The following TGM6 variants were observed in gnomAD, a reference collection of about 807,000 sequenced individuals.
The protein encoded by TGM6 is transglutaminase 6, also known as protein-glutamine gamma-glutamyltransferase 6.
Under a neutral mutation model 77.5 loss-of-function variants are expected in TGM6, and 74 were observed. The ratio of observed to expected loss-of-function variants is 0.96; its 90% CI spans 0.79 to 1.16. The LOEUF (loss-of-function observed/expected upper bound fraction) is 1.16. Among genes scored for constraint, TGM6 ranks in the 50% most tolerant of loss-of-function variants. TGM6 has a pLI of 0.00. For missense variants in TGM6, 968 were observed against 940.2 expected, an observed-to-expected ratio of 1.03 and a Z score of -0.39; for synonymous variants, 383 against 378.9, an observed-to-expected ratio of 1.01 and a Z score of -0.12.
intron 9 of TGM6, among the ~76,000 whole-genome samples, chr20:2,405,441 C>T (rs2084743170): frequency 6.6e-6 from 1 of 152,124 alleles, no homozygotes; most frequent in African/African-American, 2.4e-5. Flanking sequence ...TTTTAAAGCT[C>T]CCAGGTGGTC....
intron 10 of TGM6, among the ~76,000 whole-genome samples, chr20:2,422,096 C>T (rs369304770): frequency 6.6e-6 from 1 of 152,138 alleles, no homozygotes; most frequent in Admixed American, 6.5e-5. Flanking sequence ...CACACCAGTG[C>T]ACTCCAGCCT....
At chr20:2,401,124 G>C (rs1022202090) in intron 7 of TGM6, among the ~76,000 whole-genome samples, 4 of 151,738 alleles carry the variant, frequency 2.6e-5, no homozygotes, top group African/African-American at 2.4e-5. Context: ...AGAATCGCTT[G>C]AACCTGGAAG....
At chr20:2,394,884 G>T (rs1450152963) in intron 2 of TGM6, among the ~76,000 whole-genome samples, 1 of 152,128 alleles carries the variant, frequency 6.6e-6, no homozygotes, top group Non-Finnish European at 1.5e-5. Context: ...GCTCTGGAAG[G>T]GTATGAAAAC....
intron 1 of TGM6, among the ~76,000 whole-genome samples, chr20:2,386,057 G>T (rs191278493): frequency 6.6e-6 from 1 of 152,218 alleles, no homozygotes; most frequent in East Asian, 1.9e-4. Flanking sequence ...TTTGACAAGG[G>T]GCCTGGAAAC....
At chr20:2,417,199 T>C in intron 9 of TGM6, 33 bp from the exon 10 acceptor site, 2 of 1,555,164 alleles carry the variant, frequency 1.3e-6, no homozygotes, top group Non-Finnish European at 1.7e-6. Flanking sequence ...AGCAAGGGGG[T>C]GCCTGCCGCT....
At chr20:2,384,069 T>C (rs1365789943) in intron 1 of TGM6, among the ~76,000 whole-genome samples, 1 of 140,926 alleles carries the variant, frequency 7.1e-6, no homozygotes. Context: ...ATTGTGCCAC[T>C]GCACTCCAGC....
chr20:2,425,281 A>T (rs1016479450), intron 10 of TGM6, among the ~76,000 whole-genome samples: 2 of 151,988 alleles, frequency 1.3e-5, no homozygotes, highest in Non-Finnish European at 2.9e-5. Flanking sequence ...CAAGAGCTGG[A>T]AGTTTGCAGT....
In TGM6 at chr20:2,403,511, T is replaced by C. The variant is rs1189923723; in HGVS notation, c.1093+11T>C. 1 of 1,614,108 alleles carries C rather than the reference T, an allele frequency of 6.2e-7. No individual in the cohort carries two copies. Among genetic ancestry groups the C allele is most frequent in the Non-Finnish European group, 8.5e-7 (1 of 1,180,012 alleles). ...AGGAGGAGAGTGAAGGTACGCTCAA[T>C]TGGGTGGGGTAAGTTCCAGACCCCT... On this transcript the variant is annotated intron_variant, in intron 8 of 12. Transcript: ENST00000202625.
At chr20:2,385,277 C>CAG (rs2084586595) in intron 1 of TGM6, among the ~76,000 whole-genome samples, 1 of 151,924 alleles carries the variant, frequency 6.6e-6, no homozygotes, top group South Asian at 2.1e-4. Flanking sequence ...TGGGCTGTGG[C>CAG]AGGGAAGAGG....
chr20:2,390,495 T>A lies in TGM6; in HGVS notation c.8-3957T>A, dbSNP rs190206878. Among the ~76,000 whole-genome samples, 11 of 152,332 alleles carry A rather than the reference T, an allele frequency of 7.2e-5. No individual in the cohort carries two copies. In the East Asian group the frequency reaches 2.1e-3, roughly 29 times the overall value. On this transcript the variant is annotated intron_variant, in intron 1 of 12. Transcript: ENST00000202625. ...TTTGGCAAGTTATTTCACTTCTCTT[T>A]CCCTCAGTTTCCTCATTCATTCATT...
rs774204721 is a variant in TGM6 at position 2,395,246 on chromosome 20, G to T, written c.234G>T (p.Glu78Asp). Reference protein sequence around the residue: ...LHTKAVFQTSELERGEGWTAA... With the variant: ...LHTKAVFQTSDLERGEGWTAA... ...CCAAAGCTGTGTTCCAGACATCGGA[G>T]CTGGAGCGGGGTGAGGGCTGGACAG... Residue 78 changes from glutamate to aspartate, a missense_variant, in exon 3 of 13, where the codon GAG becomes GAT. Physicochemically the swap from Glu to Asp is conservative, Grantham distance 45. Coordinates refer to ENST00000202625, the MANE Select transcript of TGM6 (RefSeq NM_198994.3). 2 of 1,613,968 alleles carry T rather than the reference G, an allele frequency of 1.2e-6. No homozygotes were observed. The highest frequency in any genetic ancestry group is 2.7e-5 in the African/African-American group (2 of 74,948).
At chr20:2,398,729 G>C (rs1350441787) in intron 5 of TGM6, among the ~76,000 whole-genome samples, 1 of 152,100 alleles carries the variant, frequency 6.6e-6, no homozygotes, top group Non-Finnish European at 1.5e-5. Flanking sequence ...CTCTTCTTGA[G>C]TGGGACATAG....
chr20:2,392,203 G>T (rs2084633325), intron 1 of TGM6, among the ~76,000 whole-genome samples: 1 of 152,120 alleles, frequency 6.6e-6, no homozygotes, highest in South Asian at 2.1e-4. Flanking sequence ...GGACTGTTGG[G>T]TCTGTAGCAT....
intron 10 of TGM6, among the ~76,000 whole-genome samples, chr20:2,419,059 T>C (rs2084838727): frequency 6.6e-6 from 1 of 152,244 alleles, no homozygotes; most frequent in Non-Finnish European, 1.5e-5. Flanking sequence ...ACTTCGTGGA[T>C]GATTTATTAA....
intron 5 of TGM6, among the ~76,000 whole-genome samples, chr20:2,399,156 A>AAG (rs1555799793): frequency 0.068 from 10,006 of 146,464 alleles, 526 homozygotes; most frequent in Non-Finnish European, 0.088. Flanking sequence ...AAAAAAAAAA[A>AAG]AGAATAATGA....
rs144548130 is a variant in TGM6 at position 2,407,298 on chromosome 20, C to T, written c.1336+3475C>T. Among the ~76,000 whole-genome samples, 544 of 152,308 alleles carry T rather than the reference C, an allele frequency of 3.6e-3. 2 individuals are homozygous for T. Among genetic ancestry groups the T allele is most frequent in the Middle Eastern group, 0.014 (4 of 294 alleles). Reference sequence around the variant, plus strand: ...AGCAAAATGGTAAGCAATGTCCAAGCATTATTTCATTTAATATTTATTTTA... The same window carrying T: ...AGCAAAATGGTAAGCAATGTCCAAGTATTATTTCATTTAATATTTATTTTA... On this transcript the variant is annotated intron_variant, in intron 9 of 12. Coordinates refer to ENST00000202625, the MANE Select transcript of TGM6 (RefSeq NM_198994.3).
chr20:2,399,663 C>T lies in TGM6; in HGVS notation c.775C>T (p.Gln259Ter), dbSNP rs2084692177. 3 of 1,613,792 alleles carry T rather than the reference C, an allele frequency of 1.9e-6. No individual in the cohort carries two copies. The highest frequency in any genetic ancestry group is 2.7e-5 in the African/African-American group (2 of 74,930). ...CTGGCGCGGCAGCGTGGCCATTCTG[C>T]AGAAGTGGCTCAAGGGCAGGTACAA... Reference protein sequence around the residue: ...LHWRGSVAILQKWLKGRYKPV... With the variant: ...LHWRGSVAIL Residue 259 changes from glutamine (Q) to a stop codon, truncating the protein, a stop_gained, in exon 6 of 13, where the codon CAG (glutamine) becomes TAG (stop). Coordinates refer to ENST00000202625, the MANE Select transcript of TGM6 (RefSeq NM_198994.3). LOFTEE classifies it high-confidence loss of function.
Position 2,417,397 on chromosome 20 carries a change from TG to T in TGM6, c.1503del (p.Leu502Ter). On this transcript the variant is annotated frameshift_variant, in exon 10 of 13. Coordinates refer to ENST00000202625, the MANE Select transcript of TGM6 (RefSeq NM_198994.3). LOFTEE classifies it high-confidence loss of function. ...CCCAGCATCGCTGGCAAGTTCAAGG[TG>T]CTAGAGCCTCCCATGCTGGGCCACG... ...TKPSIAGKFK[V>X]LEPPMLGHDL... The T allele has an allele frequency of 6.2e-7, 1 of 1,613,628 alleles. No homozygotes were observed. The highest frequency in any genetic ancestry group is 8.5e-7 in the Non-Finnish European group (1 of 1,180,002).
intron 10 of TGM6, among the ~76,000 whole-genome samples, chr20:2,422,115 G>C (rs995345182): frequency 3.3e-5 from 5 of 152,134 alleles, no homozygotes; most frequent in African/African-American, 1.2e-4. Flanking sequence ...CTGGGCGATA[G>C]AGCAAGACTC....
Sources: gnomAD v4.1 joint callset for allele counts (sites outside exome capture counted in the v4.1 genomes callset) on GRCh38, gnomAD v4.1.1 for gene constraint, MANE v1.5 for transcripts, NCBI Gene and HGNC (gene_info 2026-07-23, HGNC 2026-07-21) for gene names.